UBASH3B: variants seen among roughly 807,000 people sequenced by gnomAD.
UBASH3B encodes ubiquitin-associated and SH3 domain-containing protein B.
Under a neutral mutation model 83.4 loss-of-function variants are expected in UBASH3B, and 37 were observed. That is an observed-to-expected ratio of 0.44 (90% CI 0.34 to 0.58). The LOEUF (loss-of-function observed/expected upper bound fraction) is 0.58, where lower values mean the gene tolerates loss of function less well. Ranked by LOEUF, UBASH3B falls within the 20% of genes least tolerant of loss-of-function variation. UBASH3B has a pLI of 0.01. For synonymous variants in UBASH3B, 304 were observed against 318.3 expected (o/e 0.96, Z 0.48); for missense variants, 657 against 827.2 (o/e 0.79, Z 2.52).
At chr11:122,735,991 A>G (rs186442694) in intron 1 of UBASH3B, among the ~76,000 whole-genome samples, 3 of 152,350 alleles carry the variant, frequency 2.0e-5, no homozygotes, top group African/African-American at 7.2e-5. Context: ...ACTGATAGCA[A>G]TGTGGATGGT....
chr11:122,721,724 C>T (rs902253339), intron 1 of UBASH3B, among the ~76,000 whole-genome samples: 7 of 152,320 alleles, frequency 4.6e-5, no homozygotes, highest in Middle Eastern at 3.4e-3. Context: ...CAGGATCTTT[C>T]CTTTTTACCC....
chr11:122,692,036 C>T (rs1274483456), intron 1 of UBASH3B, among the ~76,000 whole-genome samples: 1 of 152,140 alleles, frequency 6.6e-6, no homozygotes, highest in Non-Finnish European at 1.5e-5. Context: ...GGCCTCGTTC[C>T]ATGTGCTGGC....
chr11:122,774,876 C>A (rs1306267700), intron 1 of UBASH3B, among the ~76,000 whole-genome samples: 1 of 152,174 alleles, frequency 6.6e-6, no homozygotes, highest in Non-Finnish European at 1.5e-5. Context: ...TCCACCCCAC[C>A]CAGATGTGTC....
chr11:122,682,896 C>T (rs1177682688), intron 1 of UBASH3B, among the ~76,000 whole-genome samples: 3 of 152,206 alleles, frequency 2.0e-5, no homozygotes, highest in African/African-American at 7.2e-5. Flanking sequence ...GCAATTCATC[C>T]TTGATCCTGT....
At chr11:122,752,352 T>G (rs1247294421) in intron 1 of UBASH3B, among the ~76,000 whole-genome samples, 1 of 152,188 alleles carries the variant, frequency 6.6e-6, no homozygotes, top group Non-Finnish European at 1.5e-5. Flanking sequence ...CATGTTATAA[T>G]GTGCGAGGCC....
chr11:122,802,935 T>C (rs1861281706), intron 11 of UBASH3B, among the ~76,000 whole-genome samples: 1 of 152,158 alleles, frequency 6.6e-6, no homozygotes, highest in East Asian at 1.9e-4. Flanking sequence ...TTAGGTCAAC[T>C]ATGTATTTTA....
rs1861475194 is a variant in UBASH3B at position 122,812,900 on chromosome 11, GTTCAGAT to G, written c.*3016_*3022del. 1 of 152,510 alleles carries G rather than the reference GTTCAGAT, an allele frequency of 6.6e-6. No individual in the cohort carries two copies. The highest frequency in any genetic ancestry group is 1.5e-5 in the Non-Finnish European group (1 of 68,042). The allele number at this position is 152,510 out of a possible 1,614,324, so 9.4% of individuals were successfully genotyped here. Reference sequence around the variant, plus strand: ...GCTTATTGCTTCACCCCAGTATGGAGTTCAGATTACAGTGTTTTCCATTACATTTAGA... The same window carrying G: ...GCTTATTGCTTCACCCCAGTATGGAGTACAGTGTTTTCCATTACATTTAGA... On this transcript the variant is annotated 3_prime_UTR_variant, in exon 14 of 14. Coordinates refer to ENST00000284273, the MANE Select transcript of UBASH3B (RefSeq NM_032873.5).
At chr11:122,669,978 G>C (rs1167828155) in intron 1 of UBASH3B, among the ~76,000 whole-genome samples, 4 of 152,198 alleles carry the variant, frequency 2.6e-5, no homozygotes, top group Non-Finnish European at 4.4e-5. Context: ...AAGGAAACTT[G>C]AGATCTAAAT....
chr11:122,715,239 C>T (rs1860500594), intron 1 of UBASH3B, among the ~76,000 whole-genome samples: 1 of 151,744 alleles, frequency 6.6e-6, no homozygotes, highest in South Asian at 2.1e-4. Context: ...GCCACTGCGC[C>T]CAGCCGAGAT....
At chr11:122,661,381 C>T (rs1181133711) in intron 1 of UBASH3B, among the ~76,000 whole-genome samples, 1 of 152,144 alleles carries the variant, frequency 6.6e-6, no homozygotes, top group East Asian at 1.9e-4. Context: ...ATCTGGTTTC[C>T]CTGGCTTTTT....
intron 1 of UBASH3B, among the ~76,000 whole-genome samples, chr11:122,710,868 G>A (rs1199202521): frequency 6.6e-6 from 1 of 152,100 alleles, no homozygotes; most frequent in Non-Finnish European, 1.5e-5. Context: ...AGGGTGGTGG[G>A]GGTGGAGATG....
chr11:122,688,988 G>T (rs888710923), intron 1 of UBASH3B, among the ~76,000 whole-genome samples: 3 of 150,634 alleles, frequency 2.0e-5, no homozygotes, highest in South Asian at 2.1e-4. Context: ...CGGGGGGGGG[G>T]GGGGTTCCAC....
intron 1 of UBASH3B, among the ~76,000 whole-genome samples, chr11:122,725,498 G>A (rs1399114734): frequency 6.6e-6 from 1 of 151,920 alleles, no homozygotes; most frequent in Non-Finnish European, 1.5e-5. Flanking sequence ...ACGACATTCA[G>A]GGTACCCTGG....
chr11:122,778,026 G>A (rs1430337422), intron 3 of UBASH3B, among the ~76,000 whole-genome samples: 3 of 152,040 alleles, frequency 2.0e-5, no homozygotes, highest in Admixed American at 6.5e-5. Flanking sequence ...CACCATGCCT[G>A]GCCTCTACTG....
intron 1 of UBASH3B, among the ~76,000 whole-genome samples, chr11:122,669,370 C>T (rs1863561242): frequency 6.6e-6 from 1 of 152,190 alleles, no homozygotes; most frequent in Admixed American, 6.6e-5. Context: ...ATCATCACCT[C>T]CTGTCTCTGT....
chr11:122,674,023 T>C (rs1405030258), intron 1 of UBASH3B, among the ~76,000 whole-genome samples: 6 of 152,216 alleles, frequency 3.9e-5, no homozygotes, highest in Admixed American at 3.9e-4. Context: ...ATTAAGTGTG[T>C]GCTCTGCTAG....
intron 1 of UBASH3B, among the ~76,000 whole-genome samples, chr11:122,695,259 C>T (rs1043519586): frequency 4.6e-4 from 70 of 152,268 alleles, no homozygotes; most frequent in Middle Eastern, 3.4e-3. Flanking sequence ...CCACCGCGCC[C>T]GGCCCACTGG....
chr11:122,793,361 C>T (rs1333816225), intron 6 of UBASH3B, among the ~76,000 whole-genome samples: 1 of 152,038 alleles, frequency 6.6e-6, no homozygotes, highest in Non-Finnish European at 1.5e-5. Context: ...TCAGCCTGGG[C>T]GACAAGAGCA....
At chr11:122,764,436 C>T (rs1403357082) in intron 1 of UBASH3B, among the ~76,000 whole-genome samples, 1 of 152,196 alleles carries the variant, frequency 6.6e-6, no homozygotes, top group Non-Finnish European at 1.5e-5. Context: ...GGGAAAAAGA[C>T]ACATACCCAT....
Sources: allele counts gnomAD v4.1 joint callset (sites outside exome capture counted in the v4.1 genomes callset), GRCh38; gene constraint gnomAD v4.1.1; transcripts MANE v1.5; gene names NCBI Gene and HGNC (gene_info 2026-07-23, HGNC 2026-07-21).